Variants in APBA2 observed in about 807,000 individuals in gnomAD.
APBA2 encodes the protein amyloid beta precursor protein binding family A member 2.
A neutral mutation model predicts 75.0 loss-of-function variants in APBA2; 30 were observed. The observed-to-expected ratio is 0.40, with a 90% CI of 0.30 to 0.54. APBA2 has a LOEUF of 0.54. APBA2 is among the 20% of genes least tolerant of loss of function. The probability of loss-of-function intolerance (pLI) is 0.49; values close to 1 mark genes in which losing one functional copy is unlikely to be tolerated. For synonymous variants in APBA2, 444 were observed against 409.6 expected, an observed-to-expected ratio of 1.08 and a Z score of -1.01; for missense variants, 801 against 1,016.1, an observed-to-expected ratio of 0.79 and a Z score of 2.88.
intron 2 of APBA2, among the ~76,000 whole-genome samples, chr15:28,923,049 A>G (rs2034062033): frequency 1.3e-5 from 2 of 152,198 alleles, no homozygotes; most frequent in South Asian, 4.1e-4. Flanking sequence ...GTGCCTTGGA[A>G]TGCTTACTCA....
At chr15:28,914,568 C>G (rs1268256956) in intron 1 of APBA2, among the ~76,000 whole-genome samples, 1 of 152,018 alleles carries the variant, frequency 6.6e-6, no homozygotes, top group Non-Finnish European at 1.5e-5. Flanking sequence ...CTCCTCCTCC[C>G]GTGCAGTGCA....
At chr15:29,075,577 A>G (rs1254953842) in intron 5 of APBA2, among the ~76,000 whole-genome samples, 1 of 152,252 alleles carries the variant, frequency 6.6e-6, no homozygotes, top group Non-Finnish European at 1.5e-5. Flanking sequence ...TTCTAAATCA[A>G]CAACAGGTTT....
intron 3 of APBA2, among the ~76,000 whole-genome samples, chr15:29,028,769 C>T (rs1020987084): frequency 6.6e-6 from 1 of 152,108 alleles, no homozygotes; most frequent in African/African-American, 2.4e-5. Flanking sequence ...TGATGTTGAG[C>T]TTTTTTTCAT....
At chr15:29,070,362 C>T (rs2042565151) in intron 4 of APBA2, among the ~76,000 whole-genome samples, 1 of 152,254 alleles carries the variant, frequency 6.6e-6, no homozygotes, top group South Asian at 2.1e-4. Flanking sequence ...GGAGGGACTC[C>T]CCTTCCTCCT....
chr15:28,933,968 G>T (rs2034704998), intron 2 of APBA2, among the ~76,000 whole-genome samples: 1 of 152,198 alleles, frequency 6.6e-6, no homozygotes, highest in Non-Finnish European at 1.5e-5. Context: ...CCAGGAGAAA[G>T]GGGGGCATGG....
intron 3 of APBA2, chr15:29,044,302 A>C (rs1001737476): frequency 2.0e-5 from 3 of 152,134 alleles, no homozygotes; most frequent in African/African-American, 7.2e-5. Context: ...TCTCACATCT[A>C]ATTAGAATGT....
At chr15:29,055,139 C>T (rs572879093) in intron 4 of APBA2, among the ~76,000 whole-genome samples, 138 of 152,292 alleles carry the variant, frequency 9.1e-4, no homozygotes, top group African/African-American at 3.2e-3. Flanking sequence ...TGCCCACTGC[C>T]CTGGTCTGCT....
chr15:28,900,160 G>A (rs557749103), intron 1 of APBA2, among the ~76,000 whole-genome samples: 4 of 152,262 alleles, frequency 2.6e-5, no homozygotes, highest in South Asian at 4.2e-4. Context: ...CCTGCGCCCC[G>A]TGGGTCCTCC....
rs778131243 is a variant in APBA2, at chr15:28,967,243, C to T, written c.-94-28510C>T. On this transcript the variant is annotated intron_variant, in intron 2 of 14. Coordinates refer to ENST00000683413, the MANE Select transcript of APBA2 (RefSeq NM_001353788.2). Reference sequence around the variant, plus strand: ...ACTCATACCTTTAAACTGTACAATTCAGTGGTTTTTAGTGTATTCACAGAG... The same window carrying T: ...ACTCATACCTTTAAACTGTACAATTTAGTGGTTTTTAGTGTATTCACAGAG... Among the ~76,000 whole-genome samples the T allele has an allele frequency of 3.5e-4, 53 of 152,192 alleles. 1 individual carries two copies. Among genetic ancestry groups the T allele is most frequent in the Non-Finnish European group, 6.8e-4 (46 of 68,012 alleles).
chr15:29,073,854 C>T (rs1009437004), intron 4 of APBA2, among the ~76,000 whole-genome samples: 1 of 152,160 alleles, frequency 6.6e-6, no homozygotes, highest in African/African-American at 2.4e-5. Context: ...GAAAATATAC[C>T]TAACCTTAAA....
intron 10 of APBA2, among the ~76,000 whole-genome samples, chr15:29,105,090 C>T (rs946819933): frequency 6.6e-6 from 1 of 152,178 alleles, no homozygotes; most frequent in African/African-American, 2.4e-5. Context: ...CAGCTTTGAC[C>T]TGGAGCATCT....
Position 29,113,955 on chromosome 15 carries a change from A to T in APBA2, c.2117A>T (p.Gln706Leu). ...CACCGCATCATCGAGATCAACGGGC[A>T]GAGCGTGGTGGCCACAGCCCACGAG... Reference protein sequence around the residue: ...VGHRIIEINGQSVVATAHEKI... With the variant: ...VGHRIIEINGLSVVATAHEKI... The change falls in exon 14 of 15, where the codon CAG becomes CTG. Residue 706 changes from glutamine to leucine, a missense_variant. Physicochemically the swap from Gln to Leu is moderately radical, Grantham distance 113. Around this residue, in one of 2 missense-constraint regions of APBA2, gnomAD observed 367 missense variants for 544.5 expected, o/e 0.67. Transcript: ENST00000683413. 1 of 1,613,714 alleles carries T rather than the reference A, an allele frequency of 6.2e-7. No individual in the cohort carries two copies. The highest frequency in any genetic ancestry group is 8.5e-7 in the Non-Finnish European group (1 of 1,180,042).
At chr15:29,058,680 G>T (rs1566957956) in intron 4 of APBA2, among the ~76,000 whole-genome samples, 1 of 151,830 alleles carries the variant, frequency 6.6e-6, no homozygotes, top group Non-Finnish European at 1.5e-5. Flanking sequence ...CTGCCCGGGG[G>T]CTGGGATATG....
chr15:29,045,674 A>G (rs999467992), intron 3 of APBA2, among the ~76,000 whole-genome samples: 1 of 152,208 alleles, frequency 6.6e-6, no homozygotes, highest in African/African-American at 2.4e-5. Context: ...GGTCTCGGCT[A>G]TGCAAAAGAG....
chr15:29,079,627 C>T (rs2043000351), intron 6 of APBA2, among the ~76,000 whole-genome samples: 1 of 152,104 alleles, frequency 6.6e-6, no homozygotes, highest in African/African-American at 2.4e-5. Flanking sequence ...CACTGCGGGC[C>T]CTTCCAGCCT....
At chr15:28,910,945 G>A (rs1459351736) in intron 1 of APBA2, among the ~76,000 whole-genome samples, 4 of 151,978 alleles carry the variant, frequency 2.6e-5, no homozygotes, top group Admixed American at 2.6e-4. Context: ...AATTTCATAC[G>A]GTGTTATTCT....
At chr15:29,020,407 A>G (rs1288531326) in intron 3 of APBA2, among the ~76,000 whole-genome samples, 1 of 152,040 alleles carries the variant, frequency 6.6e-6, no homozygotes, top group Non-Finnish European at 1.5e-5. Context: ...TCTTAGTATT[A>G]TGAAACTTAT....
At chr15:29,002,575 G>C (rs982555285) in intron 3 of APBA2, among the ~76,000 whole-genome samples, 4 of 151,498 alleles carry the variant, frequency 2.6e-5, no homozygotes, top group Admixed American at 1.3e-4. Flanking sequence ...TCAGCGAGTG[G>C]GGGGCTGCAG....
intron 3 of APBA2, among the ~76,000 whole-genome samples, chr15:29,008,213 G>A (rs1234938783): frequency 1.3e-5 from 2 of 152,164 alleles, no homozygotes; most frequent in African/African-American, 4.8e-5. Context: ...AAGTAGAATG[G>A]TGGTTGCCAG....
Sources: gnomAD v4.1 joint callset for allele counts (sites outside exome capture counted in the v4.1 genomes callset) on GRCh38, gnomAD v4.1.1 for gene constraint, gnomAD v4.1.1 regional missense constraint, MANE v1.5 for transcripts, NCBI Gene and HGNC (gene_info 2026-07-23, HGNC 2026-07-21) for gene names.